Variants in ZNRF2 observed in about 807,000 individuals in gnomAD.
The protein encoded by ZNRF2 is zinc and ring finger 2, also known as E3 ubiquitin-protein ligase ZNRF2.
In ZNRF2, 16 loss-of-function variants were observed where a neutral mutation model predicts 20.4. That is an observed-to-expected ratio of 0.79 (90% CI 0.53 to 1.19). The LOEUF (loss-of-function observed/expected upper bound fraction) is 1.19, where lower values mean the gene tolerates loss of function less well. Ranked by LOEUF, ZNRF2 falls within the 50% of genes most tolerant of loss-of-function variation. ZNRF2 has a pLI of 0.00. For missense variants in ZNRF2, 363 were observed against 332.4 expected (o/e 1.09, Z -0.72); for synonymous variants, 178 against 144.9 (o/e 1.23, Z -1.64).
rs936268855 is a variant in ZNRF2 at position 30,315,799 on chromosome 7, G to A, written c.470-7843G>A. ...AGAATCCTTGTAAGACATTTAATGAGTCATTACAGCATACTGATATCTAAC... is the reference window on the plus strand; with the variant it reads ...AGAATCCTTGTAAGACATTTAATGAATCATTACAGCATACTGATATCTAAC... On this transcript the variant is annotated intron_variant, in intron 1 of 4. Transcript: ENST00000323037. Among the ~76,000 whole-genome samples, 3 of 149,366 alleles carry A rather than the reference G, an allele frequency of 2.0e-5. No individual in the cohort carries two copies. The Admixed American group carries it at 2.0e-4, about 10-fold the overall frequency.
chr7:30,313,945 C>G (rs1799327726), intron 1 of ZNRF2, among the ~76,000 whole-genome samples: 1 of 152,150 alleles, frequency 6.6e-6, no homozygotes, highest in Non-Finnish European at 1.5e-5. Context: ...TTGGCATACT[C>G]TCTCATATTA....
intron 2 of ZNRF2, among the ~76,000 whole-genome samples, chr7:30,346,350 C>T (rs543213539): frequency 2.0e-5 from 3 of 151,372 alleles, no homozygotes; most frequent in Admixed American, 6.6e-5. Flanking sequence ...CCTGCCACCA[C>T]GCCTGGCTAA....
intron 1 of ZNRF2, among the ~76,000 whole-genome samples, chr7:30,311,367 A>G (rs1426770840): frequency 3.9e-5 from 6 of 152,180 alleles, no homozygotes; most frequent in African/African-American, 7.2e-5. Context: ...CTGTAATGCT[A>G]TATTTGATTC....
Position 30,285,703 on chromosome 7 carries a change from T to C in ZNRF2, c.346T>C (p.Ser116Pro). ...CAGCGGCCCGTACGGCTCGCAGGACTCGGTGCACAGCAGCCCTGAGGACGG... is the reference window on the plus strand; with the variant it reads ...CAGCGGCCCGTACGGCTCGCAGGACCCGGTGCACAGCAGCCCTGAGGACGG... ...SSSGPYGSQD[S>P]VHSSPEDGGG... The change falls in exon 1 of 5, where the codon TCG becomes CCG. Residue 116 changes from serine to proline, a missense_variant. Physicochemically the swap from Ser to Pro is moderately conservative, Grantham distance 74. This residue lies in a region of ZNRF2 where 302 missense variants were observed against 231.5 expected (regional missense o/e 1.30). Coordinates refer to ENST00000323037, the MANE Select transcript of ZNRF2 (RefSeq NM_147128.4). The C allele has an allele frequency of 1.4e-6, 2 of 1,469,708 alleles. No homozygotes were observed. The highest frequency in any genetic ancestry group is 2.6e-5 in the Admixed American group (1 of 38,196). The allele number at this position is 1,469,708 out of a possible 1,614,324, so 91.0% of individuals were successfully genotyped here. A position where few individuals can be genotyped will look rare whatever the true frequency, so the allele number is the denominator to read the frequency against.
rs1049546256 is a variant in ZNRF2, at chr7:30,285,644, C to G, written c.287C>G (p.Ala96Gly). 1 of 1,296,436 alleles carries G rather than the reference C, an allele frequency of 7.7e-7. No homozygotes were observed. Among genetic ancestry groups the G allele is most frequent in the African/African-American group, 1.6e-5 (1 of 64,070 alleles). 80.3% of individuals were successfully genotyped at this position (1,296,436 alleles called of 1,614,324 possible). A position where few individuals can be genotyped will look rare whatever the true frequency, so the allele number is the denominator to read the frequency against. Residue 96 changes from alanine (A) to glycine (G), a missense_variant, in exon 1 of 5, where the codon GCG (alanine) becomes GGG (glycine). This residue lies in a region of ZNRF2 where 302 missense variants were observed against 231.5 expected (regional missense o/e 1.30). Transcript: ENST00000323037. ...GGGAGCGTGGCGTCGGGGGCCCGCG[C>G]GGCGCAGTCCCCCTTCAGCATCCCG... Reference protein sequence around the residue: ...AVGSVASGARAAQSPFSIPNS... With the variant: ...AVGSVASGARGAQSPFSIPNS...
chr7:30,352,657 A>G (rs565824843), intron 2 of ZNRF2, among the ~76,000 whole-genome samples: 3 of 152,040 alleles, frequency 2.0e-5, no homozygotes, highest in African/African-American at 4.8e-5. Flanking sequence ...CTAGCCAACT[A>G]TGGTAGTTAA....
intron 3 of ZNRF2, among the ~76,000 whole-genome samples, chr7:30,356,736 C>T (rs1467505733): frequency 5.3e-5 from 7 of 133,222 alleles, no homozygotes; most frequent in Non-Finnish European, 7.7e-5. Context: ...GACGGAGTCT[C>T]GCTCTGTTGC....
chr7:30,310,601 T>C (rs1002589994), intron 1 of ZNRF2, among the ~76,000 whole-genome samples: 2 of 152,204 alleles, frequency 1.3e-5, no homozygotes, highest in African/African-American at 4.8e-5. Context: ...GCATTTTCTT[T>C]TTTAAAAAAT....
At chr7:30,343,678 C>T (rs1186452384) in intron 2 of ZNRF2, among the ~76,000 whole-genome samples, 1 of 146,256 alleles carries the variant, frequency 6.8e-6, no homozygotes, top group East Asian at 2.0e-4. Flanking sequence ...TTGTATTTGC[C>T]TGATAAGTTT....
At chr7:30,347,301 C>A (rs542922414) in intron 2 of ZNRF2, among the ~76,000 whole-genome samples, 13 of 152,284 alleles carry the variant, frequency 8.5e-5, no homozygotes, top group African/African-American at 3.1e-4. Flanking sequence ...TAGCCTGTCA[C>A]ACGAAGAATT....
At chr7:30,320,059 A>T (rs1799443275) in intron 1 of ZNRF2, among the ~76,000 whole-genome samples, 1 of 152,162 alleles carries the variant, frequency 6.6e-6, no homozygotes, top group Admixed American at 6.5e-5. Flanking sequence ...TATTTATTTA[A>T]CCACGAATTC....
At chr7:30,314,937 C>T (rs112278723) in intron 1 of ZNRF2, among the ~76,000 whole-genome samples, 2,037 of 152,122 alleles carry the variant, frequency 0.013, 17 homozygotes, top group South Asian at 0.036. Flanking sequence ...CTGCCTCAGC[C>T]TCCTGAGTAG....
intron 2 of ZNRF2, among the ~76,000 whole-genome samples, chr7:30,334,860 AACAG>A (rs1383402905): frequency 1.2e-4 from 18 of 152,208 alleles, no homozygotes; most frequent in Admixed American, 7.9e-4. Context: ...TAGATTTGAT[AACAG>A]ACAGATTGCT....
chr7:30,359,885 G>A (rs1248603674), intron 3 of ZNRF2, among the ~76,000 whole-genome samples: 1 of 152,056 alleles, frequency 6.6e-6, no homozygotes, highest in East Asian at 1.9e-4. Context: ...TGTTACTTTA[G>A]CTTAAAGTTT....
chr7:30,342,971 A>G (rs1799819806), intron 2 of ZNRF2, among the ~76,000 whole-genome samples: 1 of 151,774 alleles, frequency 6.6e-6, no homozygotes, highest in African/African-American at 2.4e-5. Context: ...CTAGTTTTAT[A>G]TTTTCAAAAT....
chr7:30,316,964 G>A (rs903096386), intron 1 of ZNRF2, among the ~76,000 whole-genome samples: 1 of 152,040 alleles, frequency 6.6e-6, no homozygotes, highest in Admixed American at 6.6e-5. Flanking sequence ...ATAGTCTAAA[G>A]TTCTTTGCTT....
At chr7:30,357,083 C>G (rs943356543) in intron 3 of ZNRF2, among the ~76,000 whole-genome samples, 1 of 152,118 alleles carries the variant, frequency 6.6e-6, no homozygotes. Flanking sequence ...CTACGCCTTT[C>G]ATTGAGTCAA....
At chr7:30,310,058 A>G (rs940257914) in intron 1 of ZNRF2, among the ~76,000 whole-genome samples, 1 of 152,218 alleles carries the variant, frequency 6.6e-6, no homozygotes, top group Non-Finnish European at 1.5e-5. Context: ...GGTTACTGCC[A>G]TAGTCCAGGA....
chr7:30,297,163 C>T (rs1799032952), intron 1 of ZNRF2, among the ~76,000 whole-genome samples: 1 of 152,212 alleles, frequency 6.6e-6, no homozygotes, highest in African/African-American at 2.4e-5. Context: ...AACCCTCCCT[C>T]ATTTGTATAA....
Sources: allele counts gnomAD v4.1 joint callset (sites outside exome capture counted in the v4.1 genomes callset), GRCh38; gene constraint gnomAD v4.1.1; regional missense constraint gnomAD v4.1.1; transcripts MANE v1.5; gene names NCBI Gene and HGNC (gene_info 2026-07-23, HGNC 2026-07-21).